The following LCLAT1 variants were observed in gnomAD, a reference collection of about 807,000 sequenced individuals.
The protein encoded by LCLAT1 is 1-AGP acyltransferase 8.
LCLAT1 carries 11 observed loss-of-function variants against 30.7 expected under a neutral mutation model. The ratio of observed to expected loss-of-function variants is 0.36; its 90% CI spans 0.23 to 0.59. LCLAT1 has a LOEUF of 0.59. Ranked by LOEUF, LCLAT1 falls within the 20% of genes least tolerant of loss-of-function variation. The pLI is 0.77. For missense variants in LCLAT1, 402 were observed against 458.6 expected (o/e 0.88, Z 1.13); for synonymous variants, 155 against 151.3 (o/e 1.02, Z -0.18).
intron 1 of LCLAT1, among the ~76,000 whole-genome samples, chr2:30,466,219 G>A (rs1435455826): frequency 7.2e-6 from 1 of 139,628 alleles, no homozygotes; most frequent in African/African-American, 2.6e-5. Context: ...TGTTTTTTCT[G>A]TGTTTTCTTT....
In LCLAT1 at chr2:30,603,814, G is replaced by C. The variant is rs538673662; in HGVS notation, c.628+35638G>C. Among the ~76,000 whole-genome samples, 3 of 152,224 alleles carry C rather than the reference G, an allele frequency of 2.0e-5. No homozygotes were observed. The South Asian group carries it at 6.2e-4, about 32-fold the overall frequency. ...GAAGAATGGCCCCAAGATGATGAAA[G>C]CAATAGATCATCTGACATATTTGAA... On this transcript the variant is annotated intron_variant, in intron 5 of 5. Coordinates refer to ENST00000379509, the MANE Select transcript of LCLAT1 (RefSeq NM_001002257.3).
At chr2:30,456,895 A>G (rs1447739074) in intron 1 of LCLAT1, among the ~76,000 whole-genome samples, 1 of 152,206 alleles carries the variant, frequency 6.6e-6, no homozygotes, top group Non-Finnish European at 1.5e-5. Context: ...GCTGGAAGCG[A>G]AAGTTGGACA....
chr2:30,579,612 G>A (rs961907243), intron 5 of LCLAT1, among the ~76,000 whole-genome samples: 4 of 152,142 alleles, frequency 2.6e-5, no homozygotes, highest in African/African-American at 7.2e-5. Context: ...TGGAGGAATG[G>A]CAGGATTTGA....
intron 1 of LCLAT1, among the ~76,000 whole-genome samples, chr2:30,525,310 C>T (rs902014103): frequency 5.3e-5 from 8 of 152,112 alleles, no homozygotes; most frequent in Non-Finnish European, 4.4e-5. Flanking sequence ...CTCCTGGCCT[C>T]AAGTGATCCA....
chr2:30,579,890 A>G (rs79438379), intron 5 of LCLAT1, among the ~76,000 whole-genome samples: 1,571 of 152,212 alleles, frequency 0.01, 32 homozygotes, highest in African/African-American at 0.034. Flanking sequence ...GCAGTTTACT[A>G]CTTGTTCTAA....
chr2:30,607,474 G>A (rs1667507032), intron 5 of LCLAT1: 1 of 152,080 alleles, frequency 6.6e-6, no homozygotes, highest in African/African-American at 2.4e-5. Flanking sequence ...TCATAATGGA[G>A]CTAGAAAATT....
chr2:30,601,230 G>A (rs2602806), intron 5 of LCLAT1, among the ~76,000 whole-genome samples: 131,649 of 151,860 alleles, frequency 0.87, 57,367 homozygotes, highest in East Asian at 0.94. Context: ...GGTTTAGAAC[G>A]TACTCCTTTA....
intron 3 of LCLAT1, among the ~76,000 whole-genome samples, chr2:30,558,240 A>G (rs569519890): frequency 6.6e-6 from 1 of 152,202 alleles, no homozygotes; most frequent in Non-Finnish European, 1.5e-5. Context: ...AATTAAAAAA[A>G]TACACAAAAG....
intron 1 of LCLAT1, among the ~76,000 whole-genome samples, chr2:30,447,857 G>A (rs1169831819): frequency 1.3e-5 from 2 of 152,198 alleles, no homozygotes; most frequent in Admixed American, 1.3e-4. Flanking sequence ...GAGAGCCGTG[G>A]AGAGCAGGGG....
intron 4 of LCLAT1, among the ~76,000 whole-genome samples, chr2:30,563,490 A>G (rs1665335683): frequency 6.6e-6 from 1 of 152,188 alleles, no homozygotes; most frequent in African/African-American, 2.4e-5. Context: ...TACCTTTGAT[A>G]GTCCCGATAA....
At position 30,615,279 on chromosome 2, in the gene LCLAT1, G is replaced by A. The variant is rs550936987; in HGVS notation, c.629-24838G>A. On this transcript the variant is annotated intron_variant, in intron 5 of 5. Coordinates refer to ENST00000379509, the MANE Select transcript of LCLAT1 (RefSeq NM_001002257.3). ...GGGATTGGCCCTAAATACATGCGTG[G>A]ACAGATCCTCCTTATGAAAAAAAGA... Among the ~76,000 whole-genome samples, 44 of 152,170 alleles carry A rather than the reference G, an allele frequency of 2.9e-4. 1 individual carries two copies. In the South Asian group the frequency reaches 8.9e-3, roughly 31 times the overall value.
chr2:30,473,967 G>A (rs1381202935), intron 1 of LCLAT1, among the ~76,000 whole-genome samples: 3 of 151,998 alleles, frequency 2.0e-5, no homozygotes, highest in Non-Finnish European at 4.4e-5. Flanking sequence ...TTTTTGTGTT[G>A]GTATCTGAGT....
At chr2:30,498,626 CCTCTCT>C (rs1684226650) in intron 1 of LCLAT1, among the ~76,000 whole-genome samples, 1 of 152,146 alleles carries the variant, frequency 6.6e-6, no homozygotes, top group South Asian at 2.1e-4. Context: ...CTTACTTTAT[CCTCTCT>C]CACGATTTCT....
chr2:30,482,733 C>A (rs956067645), intron 1 of LCLAT1, among the ~76,000 whole-genome samples: 1 of 150,360 alleles, frequency 6.7e-6, no homozygotes, highest in African/African-American at 2.5e-5. Context: ...GCTAGTAGTT[C>A]GATTAAGAGC....
At chr2:30,450,673 A>G (rs1462069172) in intron 1 of LCLAT1, among the ~76,000 whole-genome samples, 1 of 152,256 alleles carries the variant, frequency 6.6e-6, no homozygotes, top group Non-Finnish European at 1.5e-5. Context: ...ACATGAATGC[A>G]GTGCAAATCG....
intron 1 of LCLAT1, among the ~76,000 whole-genome samples, chr2:30,480,939 A>G (rs1462371113): frequency 6.6e-6 from 1 of 152,234 alleles, no homozygotes; most frequent in Non-Finnish European, 1.5e-5. Context: ...AATGAGAGCC[A>G]TAAACGAAGC....
chr2:30,580,022 T>C (rs1290035945), intron 5 of LCLAT1, among the ~76,000 whole-genome samples: 1 of 152,154 alleles, frequency 6.6e-6, no homozygotes, highest in Non-Finnish European at 1.5e-5. Context: ...AAAGTAATTA[T>C]ACCTCATGTT....
At chr2:30,544,786 C>T (rs768420035) in intron 3 of LCLAT1, among the ~76,000 whole-genome samples, 2 of 152,120 alleles carry the variant, frequency 1.3e-5, no homozygotes, top group South Asian at 2.1e-4. Context: ...TACAGAAATC[C>T]GTATTAGACT....
chr2:30,623,786 G>T (rs142731768), intron 5 of LCLAT1, among the ~76,000 whole-genome samples: 4 of 152,272 alleles, frequency 2.6e-5, no homozygotes, highest in African/African-American at 9.6e-5. Context: ...ATTGCAAAAA[G>T]ATCATCGCCT....
Sources: allele counts gnomAD v4.1 joint callset (sites outside exome capture counted in the v4.1 genomes callset), GRCh38; gene constraint gnomAD v4.1.1; transcripts MANE v1.5; gene names NCBI Gene and HGNC (gene_info 2026-07-23, HGNC 2026-07-21).